Variants in SLC22A3 observed in about 807,000 individuals in gnomAD.
SLC22A3 encodes solute carrier family 22 member 3, also known as EMT organic cation transporter 3.
SLC22A3 carries 51 observed loss-of-function variants against 59.1 expected under a neutral mutation model. That is an observed-to-expected ratio of 0.86 (90% CI 0.69 to 1.09). The LOEUF (loss-of-function observed/expected upper bound fraction) is 1.09, where lower values mean the gene tolerates loss of function less well. SLC22A3 is among the 50% of genes least tolerant of loss of function. The probability of loss-of-function intolerance (pLI) is 0.00; values close to 1 mark genes in which losing one functional copy is unlikely to be tolerated. For missense variants in SLC22A3, 711 were observed against 726.3 expected, an observed-to-expected ratio of 0.98 and a Z score of 0.24; for synonymous variants, 325 against 292.0, an observed-to-expected ratio of 1.11 and a Z score of -1.15.
chr6:160,362,409 T>G (rs1367672908), intron 1 of SLC22A3, among the ~76,000 whole-genome samples: 1 of 152,186 alleles, frequency 6.6e-6, no homozygotes, highest in African/African-American at 2.4e-5. Context: ...GAAAACCCTC[T>G]GCGAGACTCT....
chr6:160,436,805 G>A lies in SLC22A3; in HGVS notation c.1001G>A (p.Ser334Asn). Residue 334 changes from serine to asparagine, a missense_variant, in exon 6 of 11, where the codon AGT (serine) becomes AAT (asparagine). Coordinates refer to ENST00000275300, the MANE Select transcript of SLC22A3 (RefSeq NM_021977.4). ...ATCACTGTTACAGATGAGGAAGTTAGTAATCCATCCTTTTTAGATCTGGTG... is the reference window on the plus strand; with the variant it reads ...ATCACTGTTACAGATGAGGAAGTTAATAATCCATCCTTTTTAGATCTGGTG... ...SEITVTDEEV[S>N]NPSFLDLVRT... The A allele has an allele frequency of 6.2e-7, 1 of 1,611,992 alleles. No homozygotes were observed. The highest frequency in any genetic ancestry group is 1.1e-5 in the South Asian group (1 of 91,038).
intron 2 of SLC22A3, among the ~76,000 whole-genome samples, chr6:160,400,705 G>A (rs947048890): frequency 1.3e-4 from 20 of 151,040 alleles, no homozygotes; most frequent in Non-Finnish European, 2.7e-4. Context: ...GTAAGCATCA[G>A]AACTAAATTC....
intron 9 of SLC22A3, among the ~76,000 whole-genome samples, chr6:160,444,299 G>T (rs943692601): frequency 6.6e-6 from 1 of 152,178 alleles, no homozygotes; most frequent in African/African-American, 2.4e-5. Context: ...GCTGCAGTGA[G>T]CTATGGTCAC....
chr6:160,352,500 A>G (rs552426266), intron 1 of SLC22A3, among the ~76,000 whole-genome samples: 1 of 152,298 alleles, frequency 6.6e-6, no homozygotes, highest in East Asian at 1.9e-4. Context: ...AATGCTTGCT[A>G]ATATGGTATG....
intron 1 of SLC22A3, among the ~76,000 whole-genome samples, chr6:160,353,710 T>G: frequency 6.6e-6 from 1 of 152,138 alleles, no homozygotes; most frequent in African/African-American, 2.4e-5. Context: ...CACACAGGGT[T>G]TGGAATCAAA....
intron 9 of SLC22A3, among the ~76,000 whole-genome samples, 165 bp downstream of exon 9, chr6:160,443,907 CTA>C (rs1376128950): frequency 6.6e-5 from 10 of 151,996 alleles, no homozygotes; most frequent in Non-Finnish European, 1.3e-4. Flanking sequence ...ATTATAATAA[CTA>C]TTTCAGTTTT....
chr6:160,392,889 G>GATTATTATT lies in SLC22A3; in HGVS notation c.430-5074_430-5066dup, dbSNP rs745447046. The stretch of plus-strand genomic sequence containing the variant: ...GCACACCACACCTGACAGTATCAGT[G>GATTATTATT]ATTATTATTATTATTATTATTATTT... On this transcript the variant is annotated intron_variant, in intron 1 of 10. Transcript: ENST00000275300. Among the ~76,000 whole-genome samples the GATTATTATT allele has an allele frequency of 1.5e-3, 221 of 151,296 alleles. 2 individuals carry two copies. The highest frequency in any genetic ancestry group is 5.1e-3 in the African/African-American group (208 of 41,154).
At chr6:160,396,947 A>G (rs1786496470) in intron 1 of SLC22A3, among the ~76,000 whole-genome samples, 1 of 152,208 alleles carries the variant, frequency 6.6e-6, no homozygotes, top group South Asian at 2.1e-4. Flanking sequence ...ATTAGAATAA[A>G]AGTCTGTGGA....
At chr6:160,407,243 T>C in intron 3 of SLC22A3, 48 bp downstream of exon 3, 1 of 1,543,682 alleles carries the variant, frequency 6.5e-7, no homozygotes, top group Non-Finnish European at 8.7e-7. Context: ...TAGGGCCAGA[T>C]AGCCAACAAA....
At chr6:160,405,217 T>C (rs1786962897) in intron 2 of SLC22A3, among the ~76,000 whole-genome samples, 1 of 151,620 alleles carries the variant, frequency 6.6e-6, no homozygotes, top group South Asian at 2.1e-4. Context: ...AATAAGAAAA[T>C]AAACAACCCA....
intron 5 of SLC22A3, among the ~76,000 whole-genome samples, chr6:160,430,352 G>A (rs1788106102): frequency 6.6e-6 from 1 of 152,082 alleles, no homozygotes. Flanking sequence ...AACCCTGACT[G>A]TCTTTTTTCT....
intron 1 of SLC22A3, among the ~76,000 whole-genome samples, chr6:160,393,441 C>T (rs1786343605): frequency 7.8e-6 from 1 of 128,490 alleles, no homozygotes; most frequent in Non-Finnish European, 1.6e-5. Context: ...CCTCCCCCCT[C>T]CCCCTACCAC....
intron 1 of SLC22A3, among the ~76,000 whole-genome samples, chr6:160,394,003 G>T (rs1282338195): frequency 6.6e-6 from 1 of 152,220 alleles, no homozygotes; most frequent in Non-Finnish European, 1.5e-5. Flanking sequence ...TCTTTTATCA[G>T]ACTGACTTTC....
At chr6:160,354,982 A>G (rs1784780758) in intron 1 of SLC22A3, among the ~76,000 whole-genome samples, 2 of 152,176 alleles carry the variant, frequency 1.3e-5, no homozygotes, top group Non-Finnish European at 2.9e-5. Context: ...TTCCTCCTGC[A>G]GTCCCCGGAG....
intron 1 of SLC22A3, among the ~76,000 whole-genome samples, chr6:160,390,049 T>C (rs1786187605): frequency 6.6e-6 from 1 of 152,234 alleles, no homozygotes; most frequent in Non-Finnish European, 1.5e-5. Context: ...GTGCCTTTGA[T>C]TAACTTACTT....
chr6:160,415,192 G>C lies in SLC22A3; in HGVS notation c.975+4346G>C, dbSNP rs1787430464. Among the ~76,000 whole-genome samples, 1 of 152,188 alleles carries C rather than the reference G, an allele frequency of 6.6e-6. No individual in the cohort carries two copies. The highest frequency in any genetic ancestry group is 2.4e-5 in the African/African-American group (1 of 41,444). ...TTAACATTTAAGTTTAAAACACCTT[G>C]CTAAAAGCGGAATTCAGCCACATTA... On this transcript the variant is annotated intron_variant, in intron 5 of 10. Transcript: ENST00000275300. The surrounding 1 kb of genome is among the most constrained non-coding windows in gnomAD (Gnocchi z 4.1).
intron 1 of SLC22A3, among the ~76,000 whole-genome samples, chr6:160,367,019 T>C (rs946465849): frequency 2.0e-5 from 3 of 152,182 alleles, no homozygotes; most frequent in Non-Finnish European, 4.4e-5. Context: ...CAAAGTTGCT[T>C]CCACATTTTT....
chr6:160,432,502 C>G (rs911842361), intron 5 of SLC22A3, among the ~76,000 whole-genome samples: 1 of 149,510 alleles, frequency 6.7e-6, no homozygotes, highest in Non-Finnish European at 1.5e-5. Context: ...GATCTCGGCT[C>G]ACTGCAACTC....
intron 5 of SLC22A3, among the ~76,000 whole-genome samples, chr6:160,429,989 T>G (rs1471600873): frequency 1.3e-5 from 2 of 152,060 alleles, no homozygotes; most frequent in Non-Finnish European, 2.9e-5. Context: ...AAAGTAACTC[T>G]CAAATGTTAT....
Sources: gnomAD v4.1 joint callset for allele counts (sites outside exome capture counted in the v4.1 genomes callset) on GRCh38, gnomAD v4.1.1 for gene constraint, Gnocchi (gnomAD v3.1) non-coding constraint, MANE v1.5 for transcripts, NCBI Gene and HGNC (gene_info 2026-07-23, HGNC 2026-07-21) for gene names.